Variants in ARHGAP26 observed in about 807,000 individuals in gnomAD.
The protein encoded by ARHGAP26 is rho GTPase-activating protein 26.
A neutral mutation model predicts 104.8 loss-of-function variants in ARHGAP26; 38 were observed. The ratio of observed to expected loss-of-function variants is 0.36; its 90% CI spans 0.28 to 0.48. The LOEUF is 0.48. Among genes scored for constraint, ARHGAP26 ranks in the 20% least tolerant of loss-of-function variants. The probability of loss-of-function intolerance (pLI) is 0.99; values close to 1 mark genes in which losing one functional copy is unlikely to be tolerated. For missense variants in ARHGAP26, 704 were observed against 947.9 expected, an observed-to-expected ratio of 0.74 and a Z score of 3.38; for synonymous variants, 341 against 340.0, an observed-to-expected ratio of 1.00 and a Z score of -0.03.
intron 22 of ARHGAP26, among the ~76,000 whole-genome samples, chr5:143,214,537 G>A (rs1810025684): frequency 6.6e-6 from 1 of 152,336 alleles, no homozygotes; most frequent in Middle Eastern, 3.4e-3. Context: ...CACAGTGACA[G>A]TTTTTCCTCA....
chr5:142,990,532 A>G (rs938730549), intron 11 of ARHGAP26, among the ~76,000 whole-genome samples: 2 of 152,162 alleles, frequency 1.3e-5, no homozygotes, highest in East Asian at 1.9e-4. Flanking sequence ...GGAGGAGAAG[A>G]GATGCTCTGA....
chr5:143,010,690 C>A (rs1778604669), intron 11 of ARHGAP26: 2 of 152,204 alleles, frequency 1.3e-5, no homozygotes, highest in Admixed American at 1.3e-4. Flanking sequence ...TTATCCTTCT[C>A]CAATTCAGGG....
rs59861739 is a variant in ARHGAP26 at position 142,858,092 on chromosome 5, T to A, written c.155-15308T>A. Among the ~76,000 whole-genome samples, 1,159 of 137,532 alleles carry A rather than the reference T, an allele frequency of 8.4e-3. 119 individuals are homozygous for A. In the East Asian group the frequency reaches 0.24, roughly 28 times the overall value. The allele number at this position is 137,532 out of a possible 152,430, so 90.2% of individuals were successfully genotyped here. A position where few individuals can be genotyped will look rare whatever the true frequency, so the allele number is the denominator to read the frequency against. On this transcript the variant is annotated intron_variant, in intron 1 of 22. Transcript: ENST00000645722. ...GTGTGTGTGTGTGTGTGTGTGTGTG[T>A]GTGAGAGAGAGAGAGAGAGGGAGTG...
intron 11 of ARHGAP26, among the ~76,000 whole-genome samples, chr5:142,986,649 A>G (rs1774779847): frequency 6.6e-6 from 1 of 152,228 alleles, no homozygotes. Flanking sequence ...TCCAACATTT[A>G]AGTCTTTAAT....
intron 1 of ARHGAP26, among the ~76,000 whole-genome samples, chr5:142,855,307 T>C (rs1752166300): frequency 1.3e-5 from 2 of 152,204 alleles, no homozygotes; most frequent in Non-Finnish European, 2.9e-5. Context: ...GGAGGTCGAA[T>C]ACCAGATGCA....
At chr5:143,088,742 G>A (rs1489410308) in intron 17 of ARHGAP26, among the ~76,000 whole-genome samples, 2 of 152,228 alleles carry the variant, frequency 1.3e-5, no homozygotes, top group African/African-American at 4.8e-5. Context: ...GGGAGGGGAA[G>A]GGGTTTTTAT....
intron 11 of ARHGAP26, among the ~76,000 whole-genome samples, chr5:143,005,540 C>CA (rs957113269): frequency 6.6e-6 from 1 of 152,156 alleles, no homozygotes; most frequent in African/African-American, 2.4e-5. Context: ...GGTGGCTCCC[C>CA]AAGGAAAATG....
intron 6 of ARHGAP26, among the ~76,000 whole-genome samples, chr5:142,895,460 G>C (rs529214836): frequency 1.3e-5 from 2 of 152,182 alleles, no homozygotes; most frequent in South Asian, 4.1e-4. Flanking sequence ...TCGATCTCCT[G>C]ACCCCGTGAT....
At chr5:143,110,445 C>G (rs1794643575) in intron 17 of ARHGAP26, among the ~76,000 whole-genome samples, 1 of 152,182 alleles carries the variant, frequency 6.6e-6, no homozygotes, top group Non-Finnish European at 1.5e-5. Context: ...AAAGCAATGT[C>G]TCCATGGCTT....
Position 142,941,202 on chromosome 5 carries a change from G to A in ARHGAP26, c.1107+9077G>A, listed in dbSNP as rs148292431. On this transcript the variant is annotated intron_variant, in intron 11 of 22. Transcript: ENST00000645722. ...AATCGCATTACTGCTTTCCACAATG[G>A]TTGAACTAATTTACACTCCCATCTG... Among the ~76,000 whole-genome samples, 1,120 of 151,122 alleles carry A rather than the reference G, an allele frequency of 7.4e-3. 5 individuals carry two copies. The highest frequency in any genetic ancestry group is 0.013 in the Admixed American group (201 of 15,190).
intron 11 of ARHGAP26, among the ~76,000 whole-genome samples, chr5:142,961,407 G>A (rs1445494617): frequency 1.3e-5 from 2 of 152,156 alleles, no homozygotes; most frequent in African/African-American, 4.8e-5. Flanking sequence ...TGGGAGGATT[G>A]ATCGAGGTTG....
Position 143,228,626 on chromosome 5 carries a change from A to C in ARHGAP26, c.*6180A>C, listed in dbSNP as rs927849562. 1.4e-5 allele frequency: 3 copies of C among 211,232 alleles called. No homozygotes were observed. The highest frequency in any genetic ancestry group is 2.9e-5 in the Non-Finnish European group (3 of 103,854). 13.1% of individuals were successfully genotyped at this position (211,232 alleles called of 1,614,324 possible). On this transcript the variant is annotated 3_prime_UTR_variant, in exon 23 of 23. Transcript: ENST00000645722. ...GCATGTTTAATTCATAATTTAGGCTATCTTTGAGTATACTGTAAAGTGCTG... is the reference window on the plus strand; with the variant it reads ...GCATGTTTAATTCATAATTTAGGCTCTCTTTGAGTATACTGTAAAGTGCTG...
chr5:143,204,697 C>T (rs536218817), intron 20 of ARHGAP26, among the ~76,000 whole-genome samples: 1 of 152,068 alleles, frequency 6.6e-6, no homozygotes, highest in South Asian at 2.1e-4. Flanking sequence ...CATTTAGAAC[C>T]CACATTGTGT....
chr5:143,190,017 G>A (rs1347302538), intron 20 of ARHGAP26, among the ~76,000 whole-genome samples: 1 of 148,238 alleles, frequency 6.7e-6, no homozygotes, highest in Admixed American at 6.6e-5. Flanking sequence ...CATCTTTGGA[G>A]GACAGAAGGA....
At chr5:143,218,208 C>G (rs891376229) in intron 22 of ARHGAP26, among the ~76,000 whole-genome samples, 2 of 152,220 alleles carry the variant, frequency 1.3e-5, no homozygotes, top group Non-Finnish European at 2.9e-5. Context: ...TAGATGCACA[C>G]CACTGTTCTA....
chr5:143,054,455 T>C lies in ARHGAP26; in HGVS notation c.1302T>C (p.Ser434=), dbSNP rs780820934. 1.3e-5 allele frequency: 21 copies of C among 1,612,614 alleles called. No individual in the cohort carries two copies. The highest frequency in any genetic ancestry group is 1.6e-5 in the Non-Finnish European group (19 of 1,179,370). Reference sequence around the variant, plus strand: ...TCATTTTAGACCCCAAGACTGCTTCTGAGACAGAAACAGATATCTGTGCTG... The same window carrying C: ...TCATTTTAGACCCCAAGACTGCTTCCGAGACAGAAACAGATATCTGTGCTG... ...LSVLMDPKTA[S]ETETDICAEW... The change falls in exon 15 of 23, where the codon TCT becomes TCC. Residue 434 remains serine (S), a synonymous_variant. Coordinates refer to ENST00000645722, the MANE Select transcript of ARHGAP26 (RefSeq NM_001135608.3).
intron 1 of ARHGAP26, among the ~76,000 whole-genome samples, chr5:142,861,454 C>T (rs1753329377): frequency 6.6e-6 from 1 of 151,708 alleles, no homozygotes; most frequent in South Asian, 2.1e-4. Flanking sequence ...TAGGAGTTGC[C>T]ACCTTGCTTC....
At chr5:143,025,613 C>A (rs769867464) in intron 12 of ARHGAP26, among the ~76,000 whole-genome samples, 1 of 152,218 alleles carries the variant, frequency 6.6e-6, no homozygotes, top group Non-Finnish European at 1.5e-5. Flanking sequence ...TTAAGCTGGT[C>A]AGTGTTACTG....
chr5:143,133,725 C>T (rs930487274), intron 18 of ARHGAP26, among the ~76,000 whole-genome samples: 2 of 152,116 alleles, frequency 1.3e-5, no homozygotes, highest in Non-Finnish European at 2.9e-5. Flanking sequence ...GAAATTGTGG[C>T]AGAAGAGGTT....
Sources: gnomAD v4.1 joint callset for allele counts (sites outside exome capture counted in the v4.1 genomes callset) on GRCh38, gnomAD v4.1.1 for gene constraint, MANE v1.5 for transcripts, NCBI Gene and HGNC (gene_info 2026-07-23, HGNC 2026-07-21) for gene names.